DZIP1L: variants seen among roughly 807,000 people sequenced by gnomAD.
The protein encoded by DZIP1L is DAZ interacting zinc finger protein 1 like, also known as cilium assembly protein DZIP1L.
A neutral mutation model predicts 88.7 loss-of-function variants in DZIP1L; 90 were observed. That is an observed-to-expected ratio of 1.02 (90% CI 0.86 to 1.21). The LOEUF is 1.21. Ranked by LOEUF, DZIP1L falls within the 50% of genes most tolerant of loss-of-function variation. The probability of loss-of-function intolerance (pLI) is 0.00; values close to 1 mark genes in which losing one functional copy is unlikely to be tolerated. For missense variants in DZIP1L, 932 were observed against 955.8 expected, an observed-to-expected ratio of 0.98 and a Z score of 0.33; for synonymous variants, 363 against 372.1, an observed-to-expected ratio of 0.98 and a Z score of 0.28.
intron 3 of DZIP1L, 90 bp from the exon 4 acceptor site, chr3:138,095,073 G>A: frequency 6.3e-7 from 1 of 1,578,546 alleles, no homozygotes; most frequent in Admixed American, 1.8e-5. Flanking sequence ...CCATACCTCG[G>A]TCTCAAACCA....
At chr3:138,068,017 C>T (rs1369248311) in intron 13 of DZIP1L, 134 bp downstream of exon 13, 8 of 844,222 alleles carry the variant, frequency 9.5e-6, no homozygotes, top group Non-Finnish European at 1.3e-5. Flanking sequence ...CTGGACCCCA[C>T]CTGAGGCACC....
intron 11 of DZIP1L, among the ~76,000 whole-genome samples, chr3:138,075,756 G>C (rs1480678555): frequency 6.6e-6 from 1 of 152,162 alleles, no homozygotes; most frequent in Non-Finnish European, 1.5e-5. Flanking sequence ...GGGAGGCCGA[G>C]GTGGGTGGAT....
chr3:138,103,647 C>A lies in DZIP1L; in HGVS notation c.325G>T (p.Ala109Ser), dbSNP rs1254782937. Residue 109 changes from alanine (A) to serine (S), a missense_variant, in exon 2 of 16, where the codon GCC becomes TCC. Transcript: ENST00000327532. ...HCQDCLSASV[A>S]QLEARLQTSL... Reference sequence around the variant, plus strand: ...GTCTGCAGCCGTGCCTCCAGCTGGGCAACACTGGCACTCAGGCAATCCTGG... The same window carrying A: ...GTCTGCAGCCGTGCCTCCAGCTGGGAAACACTGGCACTCAGGCAATCCTGG... 3 of 1,608,162 alleles carry A rather than the reference C, an allele frequency of 1.9e-6. No homozygotes were observed. Among genetic ancestry groups the A allele is most frequent in the Non-Finnish European group, 2.5e-6 (3 of 1,179,394 alleles).
chr3:138,099,525 G>A (rs529556955), intron 2 of DZIP1L, among the ~76,000 whole-genome samples: 111 of 152,302 alleles, frequency 7.3e-4, no homozygotes, highest in African/African-American at 2.6e-3. Flanking sequence ...TAATAAGAGT[G>A]TCTACTATTG....
In DZIP1L at chr3:138,097,790, G is replaced by A. The variant is rs758754793; in HGVS notation, c.559C>T (p.Arg187Cys). 11 of 1,612,812 alleles carry A rather than the reference G, an allele frequency of 6.8e-6. No homozygotes were observed. Among genetic ancestry groups the A allele is most frequent in the South Asian group, 3.3e-5 (3 of 90,648 alleles). Residue 187 changes from arginine (R) to cysteine (C), a missense_variant, in exon 3 of 16, where the codon CGC (arginine) becomes TGC (cysteine). Transcript: ENST00000327532. Reference sequence around the variant, plus strand: ...CCTTCTGCCACGCCTGCATGCCTGCGCTGGATGTGGCCCCGGAGAAAGGTG... The same window carrying A: ...CCTTCTGCCACGCCTGCATGCCTGCACTGGATGTGGCCCCGGAGAAAGGTG... Reference protein sequence around the residue: ...NATFLRGHIQRRHAGVAEGGK... With the variant: ...NATFLRGHIQCRHAGVAEGGK...
intron 6 of DZIP1L, among the ~76,000 whole-genome samples, chr3:138,088,128 G>T (rs1436532338): frequency 1.3e-5 from 2 of 152,126 alleles, no homozygotes; most frequent in African/African-American, 4.8e-5. Flanking sequence ...ATCAGAATGG[G>T]GCAAAGGTGC....
Position 138,103,992 on chromosome 3 carries a change from T to G in DZIP1L, c.-21A>C. The G allele has an allele frequency of 1.3e-6, 2 of 1,594,398 alleles. No individual in the cohort carries two copies. The highest frequency in any genetic ancestry group is 3.5e-5 in the Admixed American group (2 of 57,950). The stretch of plus-strand genomic sequence containing the variant: ...TGCATGGGCAGAGGAAGCCCTGAGC[T>G]GACCACCAGAGGAGGGGGGCACCAA... On this transcript the variant is annotated 5_prime_UTR_variant, in exon 2 of 16. Transcript: ENST00000327532.
chr3:138,108,215 C>A (rs776484496), intron 1 of DZIP1L: 89 of 985,232 alleles, frequency 9.0e-5, no homozygotes, highest in Non-Finnish European at 1.1e-4. Context: ...AAAGCTGCAA[C>A]TGTGCCACCA....
intron 1 of DZIP1L, among the ~76,000 whole-genome samples, chr3:138,108,406 CCT>C (rs2042554824): frequency 6.6e-6 from 1 of 152,116 alleles, no homozygotes; most frequent in Non-Finnish European, 1.5e-5. Flanking sequence ...TGCCAACAGT[CCT>C]CTCTCTAATA....
At chr3:138,088,296 A>G in intron 6 of DZIP1L, 83 bp downstream of exon 6, 3 of 1,471,418 alleles carry the variant, frequency 2.0e-6, no homozygotes, top group East Asian at 2.3e-5. Flanking sequence ...CAACTTCTCT[A>G]CATTCATAAA....
intron 10 of DZIP1L, among the ~76,000 whole-genome samples, chr3:138,078,341 A>T (rs1325647978): frequency 1.3e-5 from 2 of 152,156 alleles, no homozygotes; most frequent in Non-Finnish European, 2.9e-5. Context: ...GCATGAGTGT[A>T]ATCAGGCTAG....
chr3:138,067,170 C>T (rs1247897068), intron 14 of DZIP1L, among the ~76,000 whole-genome samples: 2 of 152,178 alleles, frequency 1.3e-5, no homozygotes, highest in Non-Finnish European at 2.9e-5. Flanking sequence ...GTCACCACTA[C>T]TAGAGCGAGG....
In DZIP1L at chr3:138,086,958, T is replaced by C. The variant is rs1381761840; in HGVS notation, c.1062+3A>G. 3.1e-6 allele frequency: 5 copies of C among 1,613,784 alleles called. No individual in the cohort carries two copies. Among genetic ancestry groups the C allele is most frequent in the Non-Finnish European group, 4.2e-6 (5 of 1,179,918 alleles). Reference sequence around the variant, plus strand: ...CTCCCCGAGATCACCCAACAAAAGCTACCTCTTTCTTCTCAGCCATGTGCT... The same window carrying C: ...CTCCCCGAGATCACCCAACAAAAGCCACCTCTTTCTTCTCAGCCATGTGCT... On this transcript the variant is annotated splice_donor_region_variant and intron_variant, in intron 7 of 15. Coordinates refer to ENST00000327532, the MANE Select transcript of DZIP1L (RefSeq NM_173543.3).
rs752910091 is a variant in DZIP1L at position 138,094,981 on chromosome 3, T to C, written c.589A>G (p.Lys197Glu). 13 of 1,614,148 alleles carry C rather than the reference T, an allele frequency of 8.1e-6. No homozygotes were observed. Among genetic ancestry groups the C allele is most frequent in the African/African-American group, 2.7e-5 (2 of 74,952 alleles). ...RRHAGVAEGG[K>E]QKKQEQPVEE... ...ACTGGCTGTTCCTGTTTCTTCTGTT[T>C]TCCTGTGGGGTCCACGCAAAGACAG... Residue 197 changes from lysine to glutamate, a missense_variant and splice_region_variant, in exon 4 of 16, where the codon AAA (lysine) becomes GAA (glutamate). By Grantham distance (56) the Lys-to-Glu change is moderately conservative. Coordinates refer to ENST00000327532, the MANE Select transcript of DZIP1L (RefSeq NM_173543.3).
At chr3:138,083,366 T>C (rs1943761360) in intron 8 of DZIP1L, among the ~76,000 whole-genome samples, 1 of 152,026 alleles carries the variant, frequency 6.6e-6, no homozygotes, top group Non-Finnish European at 1.5e-5. Flanking sequence ...ACAGTAACAG[T>C]GGGTGCTCAG....
At chr3:138,083,191 CCTT>C (rs563252285) in intron 8 of DZIP1L, among the ~76,000 whole-genome samples, 24 of 152,188 alleles carry the variant, frequency 1.6e-4, no homozygotes, top group Non-Finnish European at 2.4e-4. Flanking sequence ...GTGGTTTCCT[CCTT>C]AGGAAACCTC....
intron 1 of DZIP1L, among the ~76,000 whole-genome samples, chr3:138,107,034 T>C (rs920619608): frequency 2.0e-5 from 3 of 152,176 alleles, no homozygotes; most frequent in Non-Finnish European, 4.4e-5. Context: ...TGCTCAGTGA[T>C]AACAATGGCA....
chr3:138,091,728 T>G (rs897443543), intron 5 of DZIP1L, among the ~76,000 whole-genome samples: 2 of 149,788 alleles, frequency 1.3e-5, no homozygotes, highest in African/African-American at 2.5e-5. Flanking sequence ...GAGAAAGAAA[T>G]AAAATAGCTT....
At chr3:138,093,897 A>G (rs1944350914) in intron 4 of DZIP1L, among the ~76,000 whole-genome samples, 2 of 152,204 alleles carry the variant, frequency 1.3e-5, no homozygotes, top group South Asian at 4.1e-4. Context: ...CCATCTCAGT[A>G]ATAAGGCTGT....
Sources: allele counts gnomAD v4.1 joint callset (sites outside exome capture counted in the v4.1 genomes callset), GRCh38; gene constraint gnomAD v4.1.1; transcripts MANE v1.5; gene names NCBI Gene and HGNC (gene_info 2026-07-23, HGNC 2026-07-21).